The following NT5DC3 variants were observed in gnomAD, a reference collection of about 807,000 sequenced individuals.
NT5DC3 encodes 5'-nucleotidase domain containing 3, also known as 5'-nucleotidase domain-containing protein 3.
In NT5DC3, 42 loss-of-function variants were observed where a neutral mutation model predicts 67.8. That is an observed-to-expected ratio of 0.62 (90% CI 0.48 to 0.80). The LOEUF (loss-of-function observed/expected upper bound fraction) is 0.80. Ranked by LOEUF, NT5DC3 falls within the 30% of genes least tolerant of loss-of-function variation. The pLI, the probability that NT5DC3 is intolerant of heterozygous loss-of-function variation, is 0.00. For missense variants in NT5DC3, 570 were observed against 696.4 expected, an observed-to-expected ratio of 0.82 and a Z score of 2.04; for synonymous variants, 237 against 255.6, an observed-to-expected ratio of 0.93 and a Z score of 0.69.
chr12:103,764,478 AC>A, the NT5DC3 span, among the ~76,000 whole-genome samples: 2 of 152,042 alleles, frequency 1.3e-5, no homozygotes, highest in African/African-American at 2.4e-5. Flanking sequence ...ATCCAGGGGG[AC>A]CCCTTGGCAG....
At chr12:103,794,340 G>A (rs1168598419) in intron 6 of NT5DC3, among the ~76,000 whole-genome samples, 1 of 126,318 alleles carries the variant, frequency 7.9e-6, no homozygotes, top group African/African-American at 2.8e-5. Flanking sequence ...AATAGAGACA[G>A]GGTTTCACCA....
At chr12:103,833,753 A>G (rs1341933269) in intron 1 of NT5DC3, among the ~76,000 whole-genome samples, 1 of 151,858 alleles carries the variant, frequency 6.6e-6, no homozygotes, top group East Asian at 1.9e-4. Flanking sequence ...CTAACAAAAT[A>G]TAAGGTTGGA....
rs747473479 is a variant in NT5DC3 at position 103,793,455 on chromosome 12, T to C, written c.872A>G (p.His291Arg). 5 of 1,614,196 alleles carry C rather than the reference T, an allele frequency of 3.1e-6. No homozygotes were observed. Among genetic ancestry groups the C allele is most frequent in the Non-Finnish European group, 4.2e-6 (5 of 1,180,028 alleles). Residue 291 changes from histidine to arginine, a missense_variant, in exon 8 of 14, where the codon CAT becomes CGT. His to Arg is a conservative substitution (Grantham distance 29). This residue lies in a region of NT5DC3 where 466 missense variants were observed against 608.0 expected (regional missense o/e 0.77). Transcript: ENST00000392876. ...TRAVLAKLAD[H>R]GKKMFLITNS... ...GGTGATGAGAAACATCTTCTTGCCATGATCAGCCAGTTTGGCCAACACTGC... is the reference window on the plus strand; with the variant it reads ...GGTGATGAGAAACATCTTCTTGCCACGATCAGCCAGTTTGGCCAACACTGC...
chr12:103,765,535 A>C (rs569676628), downstream of NT5DC3, among the ~76,000 whole-genome samples: 1 of 152,342 alleles, frequency 6.6e-6, no homozygotes, highest in South Asian at 2.1e-4. Context: ...TCAGAGCTAA[A>C]GTCAGCAGAA....
chr12:103,759,283 C>G, the NT5DC3 span: 2 of 1,612,084 alleles, frequency 1.2e-6, no homozygotes, highest in South Asian at 2.2e-5. Flanking sequence ...GGTACAAAGT[C>G]TTCTGGGCTT....
chr12:103,774,843 C>G lies in NT5DC3; in HGVS notation c.*2986G>C, dbSNP rs1885291214. 1 of 151,548 alleles carries G rather than the reference C, an allele frequency of 6.6e-6. No homozygotes were observed. The highest frequency in any genetic ancestry group is 1.5e-5 in the Non-Finnish European group (1 of 67,960). 9.4% of individuals were successfully genotyped at this position (151,548 alleles called of 1,614,324 possible). The stretch of plus-strand genomic sequence containing the variant: ...TGGCCAACATGGTGAAACCCCATCT[C>G]TATTAAAACTACAAAACTTGGCCAG... On this transcript the variant is annotated 3_prime_UTR_variant, in exon 14 of 14. Coordinates refer to ENST00000392876, the MANE Select transcript of NT5DC3 (RefSeq NM_001031701.3).
chr12:103,798,618 G>C lies in NT5DC3; in HGVS notation c.584C>G (p.Pro195Arg). ...GTAAAAGTCACTCATCTGCTCCAAG[G>C]GCACGTGGGACCCCTCGTACATTTC... ...VIEMYEGSHV[P>R]LEQMSDFYGK... Residue 195 changes from proline (P) to arginine (R), a missense_variant, in exon 5 of 14, where the codon CCC (proline) becomes CGC (arginine). Around this residue, in one of 2 missense-constraint regions of NT5DC3, gnomAD observed 466 missense variants for 608.0 expected, o/e 0.77. Transcript: ENST00000392876. 6.2e-7 allele frequency: 1 copy of C among 1,613,806 alleles called. No individual in the cohort carries two copies. Among genetic ancestry groups the C allele is most frequent in the South Asian group, 1.1e-5 (1 of 91,076 alleles).
At chr12:103,761,280 C>T in the NT5DC3 span, 1 of 1,610,256 alleles carries the variant, frequency 6.2e-7, no homozygotes, top group Non-Finnish European at 8.5e-7. Context: ...AAGCCATCAA[C>T]CCTCTTCTCA....
At chr12:103,768,058 AGC>A (rs1178274231), downstream of NT5DC3, among the ~76,000 whole-genome samples, 1 of 145,260 alleles carries the variant, frequency 6.9e-6, no homozygotes, top group East Asian at 2.1e-4. Flanking sequence ...ACTGCACTCC[AGC>A]CTGGGCAACA....
At chr12:103,785,501 A>G in intron 11 of NT5DC3, 26 bp from the exon 12 acceptor site, 1 of 1,612,534 alleles carries the variant, frequency 6.2e-7, no homozygotes, top group Non-Finnish European at 8.5e-7. Flanking sequence ...ACGAAAAGTC[A>G]ACGTCAGTCT....
intron 4 of NT5DC3, among the ~76,000 whole-genome samples, chr12:103,799,804 CA>C (rs72379630): frequency 0.45 from 59,705 of 131,732 alleles, 12,649 homozygotes; most frequent in Middle Eastern, 0.54. Flanking sequence ...CTCCACATAC[CA>C]AAAAAAAAAA....
At chr12:103,754,270 C>A in the NT5DC3 span, among the ~76,000 whole-genome samples, 1 of 151,956 alleles carries the variant, frequency 6.6e-6, no homozygotes, top group Non-Finnish European at 1.5e-5. Context: ...TCTGACTTAC[C>A]TGGAATGTTT....
chr12:103,840,433 TCCATCCCATCCCATC>T (rs1183284305), intron 1 of NT5DC3, among the ~76,000 whole-genome samples: 1 of 123,738 alleles, frequency 8.1e-6, no homozygotes, highest in African/African-American at 2.9e-5. Flanking sequence ...TCCATCCCAT[TCCATCCCATCCCATC>T]CCATCCCATC....
In NT5DC3 at chr12:103,824,685, T is replaced by A. The variant is rs1887619197; in HGVS notation, c.209-9564A>T. Among the ~76,000 whole-genome samples the A allele has an allele frequency of 3.4e-5, 5 of 148,090 alleles. No homozygotes were observed. In the Admixed American group the frequency reaches 3.4e-4, roughly 10 times the overall value. ...GGGTTTGACATATGCTGCAGAGACATCTGTGATGCCACCAACACAATAAAG... is the reference window on the plus strand; with the variant it reads ...GGGTTTGACATATGCTGCAGAGACAACTGTGATGCCACCAACACAATAAAG... On this transcript the variant is annotated intron_variant, in intron 1 of 13. Transcript: ENST00000392876.
At chr12:103,831,533 A>C (rs1015462577) in intron 1 of NT5DC3, among the ~76,000 whole-genome samples, 1 of 152,070 alleles carries the variant, frequency 6.6e-6, no homozygotes. Context: ...CTGCCCCCCC[A>C]CACACAGAAA....
chr12:103,800,811 G>A (rs558406374), intron 4 of NT5DC3, among the ~76,000 whole-genome samples: 3 of 152,300 alleles, frequency 2.0e-5, no homozygotes, highest in Non-Finnish European at 2.9e-5. Context: ...TCCAATTCCC[G>A]CTCCCTTCAT....
intron 2 of NT5DC3, among the ~76,000 whole-genome samples, chr12:103,807,968 C>T (rs909079281): frequency 6.6e-6 from 1 of 152,162 alleles, no homozygotes; most frequent in African/African-American, 2.4e-5. Context: ...TTGGGTATGT[C>T]TTTATCAGCA....
At chr12:103,785,206 G>A (rs947796502) in intron 12 of NT5DC3, 129 bp downstream of exon 12, 15 of 842,670 alleles carry the variant, frequency 1.8e-5, no homozygotes, top group Middle Eastern at 3.2e-4. Flanking sequence ...AACCCCAATC[G>A]TTATTCTACA....
In NT5DC3 at chr12:103,777,840, G is replaced by T; in HGVS notation, c.1636C>A (p.Gln546Lys). 6.2e-7 allele frequency: 1 copy of T among 1,612,704 alleles called. No individual in the cohort carries two copies. Among genetic ancestry groups the T allele is most frequent in the Non-Finnish European group, 8.5e-7 (1 of 1,179,424 alleles). The stretch of plus-strand genomic sequence containing the variant: ...GTTTTTGCCCTTGGCTACTTGGCCT[G>T]GGCCTCCTGCAGGAGAGGGGTTCCG... ...TFGTPLLQEA[Q>K]AK The change falls in exon 14 of 14, where the codon CAG becomes AAG. Residue 546 changes from glutamine (Q) to lysine (K), a missense_variant. Physicochemically the swap from Gln to Lys is moderately conservative, Grantham distance 53 (BLOSUM62 1). This residue lies in a region of NT5DC3 where 466 missense variants were observed against 608.0 expected (regional missense o/e 0.77). Coordinates refer to ENST00000392876, the MANE Select transcript of NT5DC3 (RefSeq NM_001031701.3).
Sources: gnomAD v4.1 joint callset for allele counts (sites outside exome capture counted in the v4.1 genomes callset) on GRCh38, gnomAD v4.1.1 for gene constraint, gnomAD v4.1.1 regional missense constraint, MANE v1.5 for transcripts, NCBI Gene and HGNC (gene_info 2026-07-23, HGNC 2026-07-21) for gene names.